The following VPS41 variants were observed in gnomAD, a reference collection of about 807,000 sequenced individuals.
VPS41 encodes the protein VPS41 subunit of HOPS complex.
A neutral mutation model predicts 130.9 loss-of-function variants in VPS41; 85 were observed. The ratio of observed to expected loss-of-function variants is 0.65; its 90% confidence interval spans 0.55 to 0.78. The LOEUF (loss-of-function observed/expected upper bound fraction) is 0.78, where lower values mean the gene tolerates loss of function less well. Ranked by LOEUF, VPS41 falls within the 30% of genes least tolerant of loss-of-function variation. The pLI is 0.00. For missense variants in VPS41, 874 were observed against 1,018.7 expected, an observed-to-expected ratio of 0.86 and a Z score of 1.93; for synonymous variants, 335 against 332.9, an observed-to-expected ratio of 1.01 and a Z score of -0.07.
chr7:38,786,719 A>G (rs917564267), intron 10 of VPS41, among the ~76,000 whole-genome samples: 1 of 152,190 alleles, frequency 6.6e-6, no homozygotes, highest in African/African-American at 2.4e-5. Context: ...CAGAACAGAA[A>G]ACCATACATA....
intron 5 of VPS41, among the ~76,000 whole-genome samples, chr7:38,824,579 T>C (rs73121380): frequency 0.061 from 9,236 of 152,202 alleles, 289 homozygotes; most frequent in Middle Eastern, 0.082. Context: ...TATCTTTATA[T>C]AGGATAAACT....
At chr7:38,821,169 C>A in intron 6 of VPS41, 34 bp downstream of exon 6, 2 of 1,554,928 alleles carry the variant, frequency 1.3e-6, no homozygotes, top group Non-Finnish European at 1.8e-6. Flanking sequence ...CTTGAGAAAA[C>A]CCTTAGAAAA....
intron 10 of VPS41, 72 bp downstream of exon 10, chr7:38,789,729 G>C (rs577270868): frequency 1.4e-6 from 2 of 1,475,968 alleles, no homozygotes; most frequent in Non-Finnish European, 1.9e-6. Context: ...ATGGCAGTCT[G>C]GGTGAGATTA....
At chr7:38,857,182 A>G (rs1786005857) in intron 4 of VPS41, among the ~76,000 whole-genome samples, 1 of 152,242 alleles carries the variant, frequency 6.6e-6, no homozygotes, top group Non-Finnish European at 1.5e-5. Flanking sequence ...GCTACCTGAC[A>G]AGGAGAATCA....
chr7:38,811,668 A>ATC (rs1236564399), intron 7 of VPS41, among the ~76,000 whole-genome samples: 1 of 151,482 alleles, frequency 6.6e-6, no homozygotes, highest in East Asian at 1.9e-4. Flanking sequence ...ATATATATAT[A>ATC]TATCTTCTGT....
At chr7:38,865,612 A>T (rs1786212557) in intron 3 of VPS41, among the ~76,000 whole-genome samples, 1 of 152,266 alleles carries the variant, frequency 6.6e-6, no homozygotes, top group Non-Finnish European at 1.5e-5. Flanking sequence ...AGCTGTGCTG[A>T]ACTTTAAAAA....
chr7:38,878,958 A>G (rs994213871), intron 2 of VPS41, among the ~76,000 whole-genome samples: 5 of 152,220 alleles, frequency 3.3e-5, no homozygotes, highest in Non-Finnish European at 5.9e-5. Context: ...AGACAAGAAA[A>G]TGGAAAACGT....
intron 7 of VPS41, among the ~76,000 whole-genome samples, chr7:38,797,766 G>A (rs183107043): frequency 3.3e-5 from 5 of 152,238 alleles, no homozygotes; most frequent in Admixed American, 2.6e-4. Context: ...AAAGAGGCAG[G>A]GGAAACAGGT....
chr7:38,782,982 T>G (rs1039207269), intron 10 of VPS41, among the ~76,000 whole-genome samples: 1 of 151,714 alleles, frequency 6.6e-6, no homozygotes, highest in African/African-American at 2.4e-5. Flanking sequence ...CTGGCAGTGG[T>G]GACAACGTGC....
intron 10 of VPS41, among the ~76,000 whole-genome samples, chr7:38,781,614 G>C (rs1234534729): frequency 6.6e-6 from 1 of 152,114 alleles, no homozygotes; most frequent in East Asian, 1.9e-4. Context: ...CCTGTCTTCA[G>C]TATTTATCAC....
intron 1 of VPS41, among the ~76,000 whole-genome samples, chr7:38,899,245 G>T (rs1182649133): frequency 6.6e-6 from 1 of 152,060 alleles, no homozygotes; most frequent in Non-Finnish European, 1.5e-5. Flanking sequence ...TATTATACTT[G>T]TATCATTAAC....
rs1423980374 is a variant in VPS41 at position 38,740,061 on chromosome 7, A to T, written c.2259+1924T>A. ...CTGGAAGAATGACCTAGTCATAGGG[A>T]TGCACTATGTGGTCTTGCAGTCATT... On this transcript the variant is annotated intron_variant, in intron 25 of 28. Coordinates refer to ENST00000310301, the MANE Select transcript of VPS41 (RefSeq NM_014396.4). 1.1e-4 allele frequency among the ~76,000 whole-genome samples: 17 copies of T among 152,162 alleles called. 1 individual carries two copies. The highest frequency in any genetic ancestry group is 1.1e-3 in the Admixed American group (17 of 15,276).
intron 7 of VPS41, among the ~76,000 whole-genome samples, chr7:38,812,125 G>A (rs1784956366): frequency 6.6e-6 from 1 of 152,092 alleles, no homozygotes; most frequent in Admixed American, 6.5e-5. Flanking sequence ...AGGAGCATTT[G>A]TAGTTCATCT....
At chr7:38,763,892 A>C (rs1056667261) in intron 16 of VPS41, among the ~76,000 whole-genome samples, 20 of 152,312 alleles carry the variant, frequency 1.3e-4, no homozygotes, top group African/African-American at 4.8e-4. Flanking sequence ...GAGTACAGGT[A>C]ATCTATTCAT....
At chr7:38,760,233 C>T (rs1178397803) in intron 17 of VPS41, among the ~76,000 whole-genome samples, 1 of 152,076 alleles carries the variant, frequency 6.6e-6, no homozygotes, top group African/African-American at 2.4e-5. Flanking sequence ...AAAACATGTT[C>T]ATAAGACAGT....
chr7:38,784,644 G>A (rs922009569), intron 10 of VPS41, among the ~76,000 whole-genome samples: 9 of 142,628 alleles, frequency 6.3e-5, no homozygotes, highest in African/African-American at 2.0e-4. Flanking sequence ...GAAAGAAGGA[G>A]GGGGGGAGTT....
chr7:38,727,872 A>C (rs1795579242), intron 27 of VPS41, among the ~76,000 whole-genome samples: 4 of 152,220 alleles, frequency 2.6e-5, no homozygotes, highest in Non-Finnish European at 4.4e-5. Flanking sequence ...TGTCATAATA[A>C]ACCTTAAGAA....
intron 13 of VPS41, 24 bp from the exon 14 acceptor site, chr7:38,771,278 T>A (rs1410414702): frequency 6.8e-7 from 1 of 1,466,858 alleles, no homozygotes; most frequent in Non-Finnish European, 9.0e-7. Context: ...ATAAGGATGA[T>A]TTAAAAAAAA....
In VPS41 at chr7:38,762,826, A is replaced by C. The variant is rs552471614; in HGVS notation, c.1422+629T>G. ...CCTTAACAGTACTGACCAGACATAC[A>C]TCCTAAAACATTCAGGAGAAAACAT... On this transcript the variant is annotated intron_variant, in intron 17 of 28. Coordinates refer to ENST00000310301, the MANE Select transcript of VPS41 (RefSeq NM_014396.4). Among the ~76,000 whole-genome samples, 10 of 152,314 alleles carry C rather than the reference A, an allele frequency of 6.6e-5. No individual in the cohort carries two copies. The South Asian group carries it at 1.5e-3, about 22-fold the overall frequency.
Sources: allele counts gnomAD v4.1 joint callset (sites outside exome capture counted in the v4.1 genomes callset), GRCh38; gene constraint gnomAD v4.1.1; transcripts MANE v1.5; gene names NCBI Gene and HGNC (gene_info 2026-07-23, HGNC 2026-07-21).